The following COG6 variants were observed in gnomAD, a reference collection of about 807,000 sequenced individuals.
COG6 encodes conserved oligomeric Golgi complex subunit 6.
A neutral mutation model predicts 88.8 loss-of-function variants in COG6; 74 were observed. The ratio of observed to expected loss-of-function variants is 0.83; its 90% CI spans 0.69 to 1.01. COG6 has a LOEUF of 1.01. Ranked by LOEUF, COG6 falls within the 50% of genes least tolerant of loss-of-function variation. COG6 has a pLI of 0.00. For synonymous variants in COG6, 286 were observed against 278.7 expected (o/e 1.03, Z -0.26); for missense variants, 800 against 797.9 (o/e 1.00, Z -0.03).
chr13:39,677,382 TTTA>T (rs965031700), intron 4 of COG6, 83 bp from the exon 5 acceptor site: 61 of 784,974 alleles, frequency 7.8e-5, no homozygotes, highest in African/African-American at 7.1e-4. Flanking sequence ...GTTTTAAAAA[TTTA>T]TTATGTCTGA....
At chr13:39,746,941 A>G (rs866895313) in intron 18 of COG6, among the ~76,000 whole-genome samples, 1 of 152,184 alleles carries the variant, frequency 6.6e-6, no homozygotes, top group African/African-American at 2.4e-5. Flanking sequence ...GTATTTATTC[A>G]TGTAGGTAGT....
At chr13:39,738,420 G>T (rs1203792506) in intron 18 of COG6, among the ~76,000 whole-genome samples, 2 of 152,016 alleles carry the variant, frequency 1.3e-5, no homozygotes, top group Non-Finnish European at 2.9e-5. Context: ...AAGTTATTTA[G>T]CATACCAATA....
At chr13:39,670,617 G>T (rs7319899) in intron 4 of COG6, among the ~76,000 whole-genome samples, 1 of 152,048 alleles carries the variant, frequency 6.6e-6, no homozygotes, top group South Asian at 2.1e-4. Context: ...AGTTGCTGAA[G>T]ACACTGCATG....
intron 15 of COG6, among the ~76,000 whole-genome samples, chr13:39,722,542 C>A (rs898284666): frequency 1.4e-4 from 20 of 143,524 alleles, no homozygotes; most frequent in African/African-American, 5.2e-4. Flanking sequence ...CATTAGCAAG[C>A]AAACTGGTAA....
intron 18 of COG6, among the ~76,000 whole-genome samples, chr13:39,732,649 A>G (rs1322302288): frequency 6.6e-6 from 1 of 152,200 alleles, no homozygotes; most frequent in Non-Finnish European, 1.5e-5. Context: ...CCAGTTGAAC[A>G]CTCCAGAGGG....
intron 13 of COG6, among the ~76,000 whole-genome samples, chr13:39,710,137 T>C (rs565277406): frequency 6.6e-6 from 1 of 152,324 alleles, no homozygotes; most frequent in African/African-American, 2.4e-5. Context: ...GAATATCATA[T>C]ATCTCTCCAT....
In COG6 at chr13:39,699,684, T is replaced by C; in HGVS notation, c.1284+66T>C. On this transcript the variant is annotated intron_variant, in intron 13 of 18. Transcript: ENST00000455146. The stretch of plus-strand genomic sequence containing the variant: ...TCACATTAAAGATGTTTTAGTGATT[T>C]TTGTATTGATTGATAACTTTTCCCA... 5.0e-6 allele frequency: 4 copies of C among 806,750 alleles called. No individual in the cohort carries two copies. The South Asian group carries it at 5.6e-5, about 11-fold the overall frequency. The allele number at this position is 806,750 out of a possible 1,614,324, so 50.0% of individuals were successfully genotyped here.
At chr13:39,757,443 A>C (rs1318998365), downstream of COG6, among the ~76,000 whole-genome samples, 1 of 152,062 alleles carries the variant, frequency 6.6e-6, no homozygotes, top group South Asian at 2.1e-4. Context: ...AGAAAAAAGG[A>C]AATAATAAAG....
At position 39,744,861 on chromosome 13, in the gene COG6, G is replaced by C. The variant is rs528015665; in HGVS notation, c.1827-6085G>C. 4.6e-5 allele frequency among the ~76,000 whole-genome samples: 7 copies of C among 152,286 alleles called. No homozygotes were observed. In the East Asian group the frequency reaches 5.8e-4, roughly 13 times the overall value. ...ACCTGACTTCAAACTATACTACAAG[G>C]CTACAGTAACCAAAACATCATGGTA... is the stretch of plus-strand genomic sequence containing the variant. On this transcript the variant is annotated intron_variant, in intron 18 of 18. Transcript: ENST00000455146.
intron 18 of COG6, among the ~76,000 whole-genome samples, chr13:39,778,158 G>T (rs760169190): frequency 6.6e-6 from 1 of 152,208 alleles, no homozygotes; most frequent in African/African-American, 2.4e-5. Flanking sequence ...TAATACTTGA[G>T]GTTGATAGAT....
At chr13:39,665,910 C>T (rs564917068) in intron 4 of COG6, among the ~76,000 whole-genome samples, 57 of 152,268 alleles carry the variant, frequency 3.7e-4, no homozygotes, top group African/African-American at 1.3e-3. Flanking sequence ...AAACTATGGC[C>T]ACAGGCCAAA....
At chr13:39,765,332 A>G (rs1280407592) in intron 18 of COG6, among the ~76,000 whole-genome samples, 1 of 152,170 alleles carries the variant, frequency 6.6e-6, no homozygotes, top group Non-Finnish European at 1.5e-5. Flanking sequence ...GCAAATCCTC[A>G]CAGCATATTG....
At chr13:39,696,435 T>A (rs1249135250) in intron 12 of COG6, among the ~76,000 whole-genome samples, 3 of 151,906 alleles carry the variant, frequency 2.0e-5, no homozygotes, top group Non-Finnish European at 2.9e-5. Context: ...TGTGACTGTT[T>A]TTGAGGCCAT....
intron 18 of COG6, among the ~76,000 whole-genome samples, chr13:39,741,720 C>G (rs988768432): frequency 6.6e-6 from 1 of 152,024 alleles, no homozygotes; most frequent in African/African-American, 2.4e-5. Context: ...CCTAGCAAGG[C>G]AGGCCAACAT....
intron 4 of COG6, among the ~76,000 whole-genome samples, chr13:39,670,510 T>C (rs1259425248): frequency 6.6e-6 from 1 of 152,072 alleles, no homozygotes; most frequent in African/African-American, 2.4e-5. Flanking sequence ...GTACAGTTAT[T>C]TCTTAACCTC....
chr13:39,733,630 A>T (rs1199225389), intron 18 of COG6, among the ~76,000 whole-genome samples: 1 of 150,428 alleles, frequency 6.6e-6, no homozygotes, highest in East Asian at 1.9e-4. Flanking sequence ...TGGTTTTGGT[A>T]TCAGGGTTAA....
At chr13:39,687,216 A>G (rs1321728093) in intron 8 of COG6, among the ~76,000 whole-genome samples, 3 of 152,122 alleles carry the variant, frequency 2.0e-5, no homozygotes, top group Non-Finnish European at 4.4e-5. Context: ...TACTTTTACT[A>G]AGTCCATTGC....
chr13:39,682,951 C>G (rs561342296), intron 8 of COG6, among the ~76,000 whole-genome samples: 10 of 152,054 alleles, frequency 6.6e-5, no homozygotes, highest in African/African-American at 1.9e-4. Context: ...CGAGGGGACT[C>G]TTACCAAGGT....
intron 3 of COG6, chr13:39,664,022 C>T (rs578120111): frequency 1.3e-5 from 2 of 154,672 alleles, no homozygotes; most frequent in African/African-American, 2.4e-5. Context: ...CTGTTATTGA[C>T]AGCATACCTA....
Sources: gnomAD v4.1 joint callset for allele counts (sites outside exome capture counted in the v4.1 genomes callset) on GRCh38, gnomAD v4.1.1 for gene constraint, MANE v1.5 for transcripts, NCBI Gene and HGNC (gene_info 2026-07-23, HGNC 2026-07-21) for gene names.